The following CFTR variants were observed in gnomAD, a reference collection of about 807,000 sequenced individuals.
CFTR encodes the protein cystic fibrosis transmembrane conductance regulator.
CFTR carries 181 observed loss-of-function variants against 171.6 expected under a neutral mutation model. The observed-to-expected ratio is 1.05, with a 90% CI of 0.93 to 1.19. The LOEUF (loss-of-function observed/expected upper bound fraction) is 1.19. Ranked by LOEUF, CFTR falls within the 50% of genes most tolerant of loss-of-function variation. CFTR has a pLI of 0.00. For missense variants in CFTR, 1,968 were observed against 1,734.7 expected (o/e 1.13, Z -2.39); for synonymous variants, 583 against 608.0 (o/e 0.96, Z 0.60).
intron 21 of CFTR, 118 bp downstream of exon 21, chr7:117,614,831 C>T: frequency 1.4e-6 from 1 of 715,696 alleles, no homozygotes; most frequent in Non-Finnish European, 2.5e-6. Flanking sequence ...TAAAACATTA[C>T]AGATAAATTG....
intron 10 of CFTR, among the ~76,000 whole-genome samples, chr7:117,554,911 G>A (rs561371655): frequency 1.3e-5 from 2 of 152,296 alleles, no homozygotes; most frequent in South Asian, 4.1e-4. Context: ...GAAAGAATAA[G>A]AGGAAAGAAA....
intron 7 of CFTR, 73 bp from the exon 8 acceptor site, chr7:117,540,027 C>A: frequency 2.3e-6 from 3 of 1,293,824 alleles, no homozygotes; most frequent in African/African-American, 1.5e-5. Flanking sequence ...ATGCTCAGAT[C>A]TTCCATTCCA....
rs1312105870 is a variant in CFTR, at chr7:117,592,183, A to G, written c.2016A>G (p.Glu672=). The change falls in exon 14 of 27, where the codon GAA becomes GAG. Residue 672 remains glutamate, a synonymous_variant. Transcript: ENST00000003084. ...AGACCTTACACCGTTTCTCATTAGA[A>G]GGAGATGCTCCTGTCTCCTGGACAG... The part of the protein sequence containing the change: ...LTETLHRFSL[E]GDAPVSWTET... The G allele has an allele frequency of 3.7e-6, 6 of 1,613,884 alleles. No individual in the cohort carries two copies. The highest frequency in any genetic ancestry group is 5.1e-6 in the Non-Finnish European group (6 of 1,180,032).
chr7:117,536,102 G>C (rs1388854063), intron 6 of CFTR, among the ~76,000 whole-genome samples: 2 of 152,196 alleles, frequency 1.3e-5, no homozygotes, highest in African/African-American at 4.8e-5. Flanking sequence ...TAATATGAGT[G>C]AATGAATGAC....
At chr7:117,498,919 G>T (rs944623891) in intron 1 of CFTR, among the ~76,000 whole-genome samples, 2 of 146,914 alleles carry the variant, frequency 1.4e-5, no homozygotes, top group East Asian at 4.1e-4. Context: ...ATTTGAATTT[G>T]TCTACACAAA....
chr7:117,627,491 A>G, intron 21 of CFTR, 31 bp from the exon 22 acceptor site: 2 of 1,611,522 alleles, frequency 1.2e-6, no homozygotes, highest in African/African-American at 1.3e-5. Flanking sequence ...TGCCATTCTT[A>G]AAAACAAAAA....
intron 21 of CFTR, among the ~76,000 whole-genome samples, chr7:117,621,701 G>A (rs1419122542): frequency 6.6e-6 from 1 of 152,118 alleles, no homozygotes; most frequent in Admixed American, 6.6e-5. Flanking sequence ...ACTGTGAGAA[G>A]GTATTTTGAT....
At chr7:117,581,607 T>G (rs1416102746) in intron 11 of CFTR, among the ~76,000 whole-genome samples, 1 of 152,224 alleles carries the variant, frequency 6.6e-6, no homozygotes, top group East Asian at 1.9e-4. Context: ...ATACCCATTT[T>G]ATAGATGGAC....
chr7:117,633,071 T>G (rs1032951197), intron 22 of CFTR, among the ~76,000 whole-genome samples: 2 of 152,200 alleles, frequency 1.3e-5, no homozygotes, highest in African/African-American at 4.8e-5. Flanking sequence ...GGATTTTGAT[T>G]GTGATTGGCT....
At position 117,500,278 on chromosome 7, in the gene CFTR, C is replaced by T. The variant is rs189800017; in HGVS notation, c.54-3975C>T. Among the ~76,000 whole-genome samples the T allele has an allele frequency of 5.2e-3, 401 of 76,520 alleles. 2 individuals are homozygous for T. Among genetic ancestry groups the T allele is most frequent in the Non-Finnish European group, 7.4e-3 (298 of 40,098 alleles). 50.2% of individuals were successfully genotyped at this position (76,520 alleles called of 152,430 possible). A position where few individuals can be genotyped will look rare whatever the true frequency, so the allele number is the denominator to read the frequency against. ...TGATGGGACATAATTTTCTTCCTTT[C>T]TTTTTTTTTTTTTTTTTTTTTTTTT... is the stretch of plus-strand genomic sequence containing the variant. On this transcript the variant is annotated intron_variant, in intron 1 of 26. Transcript: ENST00000003084.
intron 10 of CFTR, 51 bp downstream of exon 10, chr7:117,548,874 CT>C (rs746240178): frequency 2.9e-5 from 44 of 1,537,454 alleles, no homozygotes; most frequent in East Asian, 7.3e-5. Context: ...GTCCATGTCT[CT>C]TTTTTTTTCT....
At chr7:117,576,198 G>A (rs1313864339) in intron 11 of CFTR, among the ~76,000 whole-genome samples, 1 of 152,052 alleles carries the variant, frequency 6.6e-6, no homozygotes, top group East Asian at 1.9e-4. Context: ...TCCGATCTAT[G>A]CATGTGTTTC....
chr7:117,542,043 A>C lies in CFTR; in HGVS notation c.1144A>C (p.Thr382Pro), dbSNP rs375975969. ...QDFLQKQEYK[T>P]LEYNLTTTEV... The stretch of plus-strand genomic sequence containing the variant: ...TTTCTTACAAAAGCAAGAATATAAG[A>C]CATTGGAATATAACTTAACGACTAC... Residue 382 changes from threonine to proline, a missense_variant, in exon 9 of 27, where the codon ACA becomes CCA. By Grantham distance (38) the Thr-to-Pro change is conservative (BLOSUM62 -1). Transcript: ENST00000003084. 19 of 1,581,610 alleles carry C rather than the reference A, an allele frequency of 1.2e-5. No individual in the cohort carries two copies. Among genetic ancestry groups the C allele is most frequent in the Non-Finnish European group, 1.6e-5 (18 of 1,150,622 alleles).
At chr7:117,569,892 TAAGC>T (rs987820035) in intron 11 of CFTR, among the ~76,000 whole-genome samples, 1 of 152,172 alleles carries the variant, frequency 6.6e-6, no homozygotes, top group Non-Finnish European at 1.5e-5. Context: ...GGCACAGTGA[TAAGC>T]AAGCCAGTTT....
At chr7:117,644,133 AT>A (rs1258350092) in intron 23 of CFTR, among the ~76,000 whole-genome samples, 14 of 151,992 alleles carry the variant, frequency 9.2e-5, no homozygotes, top group African/African-American at 3.4e-4. Flanking sequence ...ACGTTCAGAG[AT>A]TCCTTCAGAA....
chr7:117,642,590 A>G lies in CFTR; in HGVS notation c.3870A>G (p.Pro1290=), dbSNP rs1800130. 0.042 allele frequency: 67,083 copies of G among 1,613,132 alleles called. 2,219 individuals carry two copies. Among genetic ancestry groups the G allele is most frequent in the African/African-American group, 0.15 (11,335 of 74,966 alleles). ...QQWRKAFGVI[P]QKVFIFSGTF... is the part of the protein sequence containing the mutation. ...GGAGGAAAGCCTTTGGAGTGATACCACAGGTGAGCAAAAGGACTTAGCCAG... is the reference window on the plus strand; with the variant it reads ...GGAGGAAAGCCTTTGGAGTGATACCGCAGGTGAGCAAAAGGACTTAGCCAG... The change falls in exon 23 of 27, where the codon CCA becomes CCG. Residue 1290 remains proline, a synonymous_variant. Transcript: ENST00000003084.
intron 4 of CFTR, among the ~76,000 whole-genome samples, chr7:117,532,812 G>A (rs995683139): frequency 1.3e-5 from 2 of 152,104 alleles, no homozygotes; most frequent in Admixed American, 6.6e-5. Flanking sequence ...GCCTACAATG[G>A]CATCATCACC....
chr7:117,662,595 C>T (rs1314665948), intron 24 of CFTR, among the ~76,000 whole-genome samples: 1 of 152,054 alleles, frequency 6.6e-6, no homozygotes, highest in Non-Finnish European at 1.5e-5. Flanking sequence ...GATTTTATTC[C>T]ACCAGGAGGA....
At chr7:117,634,618 T>C (rs1362936430) in intron 22 of CFTR, among the ~76,000 whole-genome samples, 1 of 152,112 alleles carries the variant, frequency 6.6e-6, no homozygotes, top group East Asian at 1.9e-4. Flanking sequence ...GCACTGCTTT[T>C]TCTGCATCTC....
Sources: allele counts gnomAD v4.1 joint callset (sites outside exome capture counted in the v4.1 genomes callset), GRCh38; gene constraint gnomAD v4.1.1; transcripts MANE v1.5; gene names NCBI Gene and HGNC (gene_info 2026-07-23, HGNC 2026-07-21).